The following CBX7 variants were observed in gnomAD, a reference collection of about 807,000 sequenced individuals.
CBX7 encodes chromobox protein homolog 7.
Under a neutral mutation model 31.4 loss-of-function variants are expected in CBX7, and 14 were observed. The observed-to-expected ratio is 0.45, with a 90% CI of 0.29 to 0.70. The LOEUF is 0.70. Ranked by LOEUF, CBX7 falls within the 30% of genes least tolerant of loss-of-function variation. The pLI is 0.11. For missense variants in CBX7, 269 were observed against 351.9 expected (o/e 0.76, Z 1.89); for synonymous variants, 159 against 152.6 (o/e 1.04, Z -0.31).
Position 39,132,572 on chromosome 22 carries a change from C to T in CBX7, c.*1319G>A, listed in dbSNP as rs958525749. 5.9e-5 allele frequency: 9 copies of T among 152,606 alleles called. No individual in the cohort carries two copies. The highest frequency in any genetic ancestry group is 1.0e-4 in the Non-Finnish European group (7 of 68,188). 9.5% of individuals were successfully genotyped at this position (152,606 alleles called of 1,614,324 possible). A position where few individuals can be genotyped will look rare whatever the true frequency, so the allele number is the denominator to read the frequency against. On this transcript the variant is annotated 3_prime_UTR_variant, in exon 6 of 6. Coordinates refer to ENST00000216133, the MANE Select transcript of CBX7 (RefSeq NM_175709.5). The stretch of plus-strand genomic sequence containing the variant: ...TTGCCAGGGGTGGGCTGGGGCAAAG[C>T]CTGCCCATCACACAGCACAGCCTGA...
At chr22:39,147,532 C>G (rs1320276232) in intron 2 of CBX7, 1 of 133,834 alleles carries the variant, frequency 7.5e-6, no homozygotes, top group Non-Finnish European at 1.6e-5. Flanking sequence ...AACTCCCCAC[C>G]CCCCACCCTC....
In CBX7 at chr22:39,143,294, TA is replaced by T. The variant is rs35587819; in HGVS notation, c.114-1859del. ...AAAAATATAAATTTTATTTTAAAAT[TA>T]AAAAAAACTTTAAAAGTAAAATAAA... On this transcript the variant is annotated intron_variant, in intron 2 of 5. Coordinates refer to ENST00000216133, the MANE Select transcript of CBX7 (RefSeq NM_175709.5). Among the ~76,000 whole-genome samples, 6 of 151,164 alleles carry T rather than the reference TA, an allele frequency of 4.0e-5. No individual in the cohort carries two copies. The South Asian group carries it at 8.3e-4, about 21-fold the overall frequency.
chr22:39,141,848 G>A (rs191161059), intron 2 of CBX7, among the ~76,000 whole-genome samples: 1 of 152,098 alleles, frequency 6.6e-6, no homozygotes, highest in Non-Finnish European at 1.5e-5. Flanking sequence ...CCTTCACCCT[G>A]TCCTGGTAAG....
chr22:39,138,491 C>G (rs1295583655), intron 4 of CBX7, 145 bp downstream of exon 4: 5 of 763,424 alleles, frequency 6.5e-6, no homozygotes, highest in Non-Finnish European at 1.1e-5. Context: ...AAAACTTACC[C>G]AAGTGCCCCA....
chr22:39,148,459 G>C (rs1386777287), intron 2 of CBX7: 1 of 152,330 alleles, frequency 6.6e-6, no homozygotes, highest in African/African-American at 2.4e-5. Context: ...GGTGCGAAGC[G>C]AGAGAGGCAG....
At chr22:39,134,882 C>A (rs1930196970) in intron 4 of CBX7, 130 bp from the exon 5 acceptor site, 1 of 655,442 alleles carries the variant, frequency 1.5e-6, no homozygotes, top group Non-Finnish European at 2.5e-6. Context: ...CTTCCCATGC[C>A]ACGGCTGGCC....
intron 4 of CBX7, chr22:39,136,255 GTTTC>G (rs1930250515): frequency 6.6e-6 from 1 of 152,158 alleles, no homozygotes; most frequent in Non-Finnish European, 1.5e-5. Flanking sequence ...CTGGGCCTCA[GTTTC>G]TTTCTCAGCG....
At position 39,134,649 on chromosome 22, in the gene CBX7, A is replaced by AC; in HGVS notation, c.349dup (p.Val117GlyfsTer8). 6 of 1,587,170 alleles carry AC rather than the reference A, an allele frequency of 3.8e-6. No individual in the cohort carries two copies. The highest frequency in any genetic ancestry group is 5.1e-6 in the Non-Finnish European group (6 of 1,166,664). On this transcript the variant is annotated frameshift_variant, in exon 5 of 6. Transcript: ENST00000216133. LOFTEE classifies it high-confidence loss of function. Reference sequence around the variant, plus strand: ...CAGCTCAGGTGCCCCCGCCTTGACCACCCCCTCAGGGCTCCCGCTGCCGAG... The same window carrying AC: ...CAGCTCAGGTGCCCCCGCCTTGACCACCCCCCTCAGGGCTCCCGCTGCCGAG...
chr22:39,144,623 C>T (rs184116702), intron 2 of CBX7, among the ~76,000 whole-genome samples: 4 of 152,308 alleles, frequency 2.6e-5, no homozygotes, highest in East Asian at 1.9e-4. Context: ...TTCCTCCCCC[C>T]GGAAAAGGCT....
chr22:39,138,054 GC>G (rs1490695240), intron 4 of CBX7, among the ~76,000 whole-genome samples: 1 of 152,044 alleles, frequency 6.6e-6, no homozygotes, highest in Non-Finnish European at 1.5e-5. Context: ...GGTGGCGGGC[GC>G]CTGTAGTCCC....
rs748839481 is a variant in CBX7, at chr22:39,141,360, G to A, written c.179+11C>T. 1 of 1,608,950 alleles carries A rather than the reference G, an allele frequency of 6.2e-7. No homozygotes were observed. The highest frequency in any genetic ancestry group is 8.5e-7 in the Non-Finnish European group (1 of 1,177,624). ...CCTAAGCCCCACCCGGCGGTGCCGA[G>A]GACACCGTACTTCTCCTCGTAGGCC... is the stretch of plus-strand genomic sequence containing the variant. On this transcript the variant is annotated intron_variant, in intron 3 of 5. Coordinates refer to ENST00000216133, the MANE Select transcript of CBX7 (RefSeq NM_175709.5).
rs376089668 is a variant in CBX7, at chr22:39,141,366, C to T, written c.179+5G>A. The T allele has an allele frequency of 6.2e-7, 1 of 1,610,420 alleles. No individual in the cohort carries two copies. The highest frequency in any genetic ancestry group is 8.5e-7 in the Non-Finnish European group (1 of 1,178,694). On this transcript the variant is annotated splice_donor_5th_base_variant and intron_variant, in intron 3 of 5. Coordinates refer to ENST00000216133, the MANE Select transcript of CBX7 (RefSeq NM_175709.5). ...CCCCACCCGGCGGTGCCGAGGACAC[C>T]GTACTTCTCCTCGTAGGCCATGACG...
At chr22:39,141,304 C>T in intron 3 of CBX7, 67 bp downstream of exon 3, 1 of 1,410,196 alleles carries the variant, frequency 7.1e-7, no homozygotes, top group Non-Finnish European at 9.9e-7. Flanking sequence ...GCCAAGCCAG[C>T]AGCAGGCTCC....
Position 39,151,256 on chromosome 22 carries a change from A to G in CBX7, c.69+1120T>C, listed in dbSNP as rs539043178. On this transcript the variant is annotated intron_variant, in intron 1 of 5. Coordinates refer to ENST00000216133, the MANE Select transcript of CBX7 (RefSeq NM_175709.5). ...CTAGGAAAAAGGAGAAGGAGGAGGA[A>G]CAGCTGCCTCAATCAGAAGAGTAAA... 4.6e-5 allele frequency among the ~76,000 whole-genome samples: 7 copies of G among 152,008 alleles called. No homozygotes were observed. In the East Asian group the frequency reaches 1.4e-3, roughly 29 times the overall value.
intron 4 of CBX7, chr22:39,135,263 A>T (rs1328585414): frequency 6.5e-6 from 1 of 154,908 alleles, no homozygotes; most frequent in Non-Finnish European, 1.4e-5. Context: ...AGCCAAAGGG[A>T]CAGGGCTCCA....
Position 39,133,869 on chromosome 22 carries a change from T to A in CBX7, c.*22A>T, listed in dbSNP as rs1555911926. ...ACCCCAAGCCCAAAAGAAAACAGTT[T>A]AAGAAGAGTAAAAACGGTGATTCAG... On this transcript the variant is annotated 3_prime_UTR_variant, in exon 6 of 6. Coordinates refer to ENST00000216133, the MANE Select transcript of CBX7 (RefSeq NM_175709.5). The A allele has an allele frequency of 1.3e-6, 2 of 1,585,022 alleles. No individual in the cohort carries two copies. The highest frequency in any genetic ancestry group is 3.5e-5 in the Admixed American group (2 of 57,682).
At chr22:39,145,194 G>C (rs981870886) in intron 2 of CBX7, among the ~76,000 whole-genome samples, 3 of 152,224 alleles carry the variant, frequency 2.0e-5, no homozygotes, top group Admixed American at 2.0e-4. Context: ...GTCGCACTTG[G>C]CTGCCGAGTG....
chr22:39,146,772 C>T (rs1930675281), intron 2 of CBX7, among the ~76,000 whole-genome samples: 1 of 152,184 alleles, frequency 6.6e-6, no homozygotes, highest in South Asian at 2.1e-4. Flanking sequence ...TGACATCATT[C>T]CTAAAACTCC....
intron 2 of CBX7, chr22:39,148,028 A>G (rs1601566535): frequency 6.6e-6 from 1 of 152,330 alleles, no homozygotes; most frequent in East Asian, 1.9e-4. Context: ...TCACCATCTC[A>G]ACTCGAAGAT....
Sources: allele counts gnomAD v4.1 joint callset (sites outside exome capture counted in the v4.1 genomes callset), GRCh38; gene constraint gnomAD v4.1.1; transcripts MANE v1.5; gene names NCBI Gene and HGNC (gene_info 2026-07-23, HGNC 2026-07-21).